NWD2: variants seen among roughly 807,000 people sequenced by gnomAD.
NWD2 encodes NACHT and WD repeat domain containing 2.
A neutral mutation model predicts 132.7 loss-of-function variants in NWD2; 37 were observed. That is an observed-to-expected ratio of 0.28 (90% CI 0.21 to 0.37). NWD2 has a LOEUF of 0.37. Among genes scored for constraint, NWD2 ranks in the 10% least tolerant of loss-of-function variants. The pLI, the probability that NWD2 is intolerant of heterozygous loss-of-function variation, is 1.00. For missense variants in NWD2, 1,592 were observed against 2,122.4 expected, an observed-to-expected ratio of 0.75 and a Z score of 4.91; for synonymous variants, 705 against 803.0, an observed-to-expected ratio of 0.88 and a Z score of 2.06.
intron 1 of NWD2, among the ~76,000 whole-genome samples, chr4:37,298,987 A>G (rs2109275675): frequency 6.6e-6 from 1 of 152,298 alleles, no homozygotes; most frequent in South Asian, 2.1e-4. Flanking sequence ...GTATTTAACC[A>G]AGACAATCTT....
intron 1 of NWD2, 54 bp downstream of exon 1, chr4:37,245,272 G>C: frequency 6.7e-7 from 1 of 1,488,012 alleles, no homozygotes; most frequent in South Asian, 1.3e-5. Flanking sequence ...CAGCGCTGCG[G>C]GAGCTGGAGA....
intron 1 of NWD2, among the ~76,000 whole-genome samples, chr4:37,310,121 A>G (rs113281805): frequency 7.0e-4 from 106 of 152,328 alleles, no homozygotes; most frequent in African/African-American, 2.4e-3. Context: ...CCAATCTACC[A>G]TGTACCCACA....
intron 1 of NWD2, among the ~76,000 whole-genome samples, chr4:37,284,325 A>G (rs1718183756): frequency 4.6e-5 from 7 of 152,224 alleles, no homozygotes. Context: ...ATTACTTCCC[A>G]AAAGCCTCTC....
At chr4:37,327,406 T>C (rs1175241788) in intron 2 of NWD2, among the ~76,000 whole-genome samples, 1 of 152,118 alleles carries the variant, frequency 6.6e-6, no homozygotes, top group Non-Finnish European at 1.5e-5. Flanking sequence ...GCGAGGCCCA[T>C]AGAATAAATT....
chr4:37,348,057 A>T (rs939070472), intron 2 of NWD2, among the ~76,000 whole-genome samples: 87 of 152,202 alleles, frequency 5.7e-4, no homozygotes, highest in African/African-American at 2.1e-3. Flanking sequence ...CTAGAAGTAA[A>T]GTGACTAGAG....
At chr4:37,251,646 A>G (rs1047511813) in intron 1 of NWD2, among the ~76,000 whole-genome samples, 3 of 152,214 alleles carry the variant, frequency 2.0e-5, no homozygotes, top group Admixed American at 2.0e-4. Flanking sequence ...TGGTGAAGGA[A>G]CTTTGTTCTC....
At chr4:37,342,948 A>T (rs886695969) in intron 2 of NWD2, among the ~76,000 whole-genome samples, 2 of 152,082 alleles carry the variant, frequency 1.3e-5, no homozygotes, top group African/African-American at 2.4e-5. Flanking sequence ...ATGCCCTCCT[A>T]TATATCCGTC....
chr4:37,289,354 C>CA (rs1456389028), intron 1 of NWD2, among the ~76,000 whole-genome samples: 1 of 152,140 alleles, frequency 6.6e-6, no homozygotes, highest in Non-Finnish European at 1.5e-5. Flanking sequence ...AATGTGCCCA[C>CA]AACCACATGA....
intron 3 of NWD2, among the ~76,000 whole-genome samples, chr4:37,390,622 G>A (rs1160133719): frequency 1.3e-5 from 2 of 152,098 alleles, no homozygotes; most frequent in Non-Finnish European, 2.9e-5. Context: ...GCGATTATCT[G>A]TGCAGCTGAG....
intron 5 of NWD2, 21 bp from the exon 6 acceptor site, chr4:37,438,780 C>G (rs139138063): frequency 6.7e-7 from 1 of 1,502,548 alleles, no homozygotes; most frequent in African/African-American, 1.4e-5. Context: ...GCAATAAACT[C>G]CTTCTTATAT....
intron 3 of NWD2, among the ~76,000 whole-genome samples, chr4:37,386,960 C>T (rs1487416479): frequency 6.6e-6 from 1 of 152,166 alleles, no homozygotes; most frequent in Non-Finnish European, 1.5e-5. Context: ...GATGCTGGTG[C>T]CATGCTTCTT....
At chr4:37,367,714 A>G (rs1183880128) in intron 3 of NWD2, among the ~76,000 whole-genome samples, 2 of 152,180 alleles carry the variant, frequency 1.3e-5, no homozygotes, top group African/African-American at 4.8e-5. Flanking sequence ...CTGAATGTGT[A>G]AAATACAGTA....
chr4:37,421,809 A>G (rs1331358363), intron 3 of NWD2, among the ~76,000 whole-genome samples: 2 of 152,236 alleles, frequency 1.3e-5, no homozygotes, highest in Non-Finnish European at 2.9e-5. Context: ...TCAGGCCACA[A>G]GGACAAATAC....
At chr4:37,382,491 T>C (rs981870728) in intron 3 of NWD2, among the ~76,000 whole-genome samples, 17 of 152,068 alleles carry the variant, frequency 1.1e-4, no homozygotes, top group African/African-American at 3.9e-4. Context: ...ATTTCGACAT[T>C]TGGAATGGTG....
At chr4:37,279,062 G>A (rs1349877160) in intron 1 of NWD2, among the ~76,000 whole-genome samples, 2 of 152,060 alleles carry the variant, frequency 1.3e-5, no homozygotes, top group Non-Finnish European at 2.9e-5. Flanking sequence ...ACACAAGGTT[G>A]ATTAAAAAAA....
intron 1 of NWD2, among the ~76,000 whole-genome samples, chr4:37,267,720 C>A (rs1717785568): frequency 6.6e-6 from 1 of 151,796 alleles, no homozygotes; most frequent in African/African-American, 2.4e-5. Context: ...AATGTGAGTA[C>A]TTACTATATG....
At chr4:37,252,476 A>G (rs1717396904) in intron 1 of NWD2, among the ~76,000 whole-genome samples, 1 of 152,192 alleles carries the variant, frequency 6.6e-6, no homozygotes, top group South Asian at 2.1e-4. Flanking sequence ...TCAGTTATCT[A>G]TTGCTATGTA....
At chr4:37,276,500 T>C (rs549897893) in intron 1 of NWD2, among the ~76,000 whole-genome samples, 16 of 152,124 alleles carry the variant, frequency 1.1e-4, no homozygotes, top group Non-Finnish European at 1.9e-4. Context: ...GGTGGGAACA[T>C]AAACTAGTTC....
intron 3 of NWD2, among the ~76,000 whole-genome samples, chr4:37,380,894 T>C (rs116007054): frequency 0.046 from 7,018 of 152,268 alleles, 240 homozygotes; most frequent in Non-Finnish European, 0.069. Flanking sequence ...GCCCAAGAGT[T>C]AGGGACTTAG....
Sources: allele counts gnomAD v4.1 joint callset (sites outside exome capture counted in the v4.1 genomes callset), GRCh38; gene constraint gnomAD v4.1.1; transcripts MANE v1.5; gene names NCBI Gene and HGNC (gene_info 2026-07-23, HGNC 2026-07-21).